The following WAPL variants were observed in gnomAD, a reference collection of about 807,000 sequenced individuals.
WAPL encodes WAPL cohesin release factor.
WAPL carries 5 observed loss-of-function variants against 121.0 expected under a neutral mutation model. The observed-to-expected ratio is 0.04, with a 90% CI of 0.02 to 0.09. The LOEUF (loss-of-function observed/expected upper bound fraction) is 0.09. Among genes scored for constraint, WAPL ranks in the 10% least tolerant of loss-of-function variants. The pLI, the probability that WAPL is intolerant of heterozygous loss-of-function variation, is 1.00. For missense variants in WAPL, 999 were observed against 1,410.8 expected (o/e 0.71, Z 4.68); for synonymous variants, 480 against 481.5 (o/e 1.00, Z 0.04).
intron 4 of WAPL, among the ~76,000 whole-genome samples, chr10:86,491,643 G>C (rs1156847140): frequency 2.0e-5 from 3 of 151,582 alleles, no homozygotes; most frequent in Non-Finnish European, 1.5e-5. Flanking sequence ...GAAGGCAAGG[G>C]AAGTGCTCAA....
chr10:86,495,237 C>A (rs1159348852), intron 4 of WAPL, among the ~76,000 whole-genome samples: 1 of 152,138 alleles, frequency 6.6e-6, no homozygotes, highest in Non-Finnish European at 1.5e-5. Context: ...GAGGCCAAGG[C>A]AGGCAGATAG....
At chr10:86,510,245 T>C (rs1354913877) in intron 2 of WAPL, among the ~76,000 whole-genome samples, 1 of 151,838 alleles carries the variant, frequency 6.6e-6, no homozygotes, top group Non-Finnish European at 1.5e-5. Flanking sequence ...TGGCTAATTT[T>C]TGTATTTTTA....
intron 9 of WAPL, among the ~76,000 whole-genome samples, chr10:86,461,870 GTCTTT>G (rs1841283718): frequency 7.6e-6 from 1 of 131,434 alleles, no homozygotes; most frequent in South Asian, 2.3e-4. Flanking sequence ...AAGACTGATT[GTCTTT>G]TCTTATTATT....
rs1042736743 is a variant in WAPL, at chr10:86,436,659, T to C, written c.*884A>G. ...TGTTTTAGCTTCCTTATATTTATTGTACTGAACATTAGAAAATATATCTAG... is the reference window on the plus strand; with the variant it reads ...TGTTTTAGCTTCCTTATATTTATTGCACTGAACATTAGAAAATATATCTAG... On this transcript the variant is annotated 3_prime_UTR_variant, in exon 19 of 19. Coordinates refer to ENST00000298767, the MANE Select transcript of WAPL (RefSeq NM_015045.5). The C allele has an allele frequency of 2.6e-5, 4 of 152,690 alleles. No homozygotes were observed. The highest frequency in any genetic ancestry group is 4.4e-5 in the Non-Finnish European group (3 of 68,040). The allele number at this position is 152,690 out of a possible 1,614,324, so 9.5% of individuals were successfully genotyped here. A position where few individuals can be genotyped will look rare whatever the true frequency, so the allele number is the denominator to read the frequency against.
rs1190058897 is a variant in WAPL at position 86,472,665 on chromosome 10, GAGTAGGTATTGTCAC to G, written c.1825_1839del (p.Val609_Thr613del). 14 of 1,613,934 alleles carry G rather than the reference GAGTAGGTATTGTCAC, an allele frequency of 8.7e-6. No individual in the cohort carries two copies. The highest frequency in any genetic ancestry group is 1.2e-5 in the Non-Finnish European group (14 of 1,179,920). ...GCAGTAACTATATCTTGGTAGGGCT[GAGTAGGTATTGTCAC>G]AGTTTTTATCACTTTGGATGGTGGT... On this transcript the variant is annotated inframe_deletion, in exon 6 of 19. Coordinates refer to ENST00000298767, the MANE Select transcript of WAPL (RefSeq NM_015045.5). This position sits in a 1 kb window ranked among gnomAD's most constrained non-coding sequence, Gnocchi z 4.2.
At chr10:86,454,626 G>A (rs574499468) in intron 12 of WAPL, among the ~76,000 whole-genome samples, 16 of 152,318 alleles carry the variant, frequency 1.1e-4, no homozygotes, top group African/African-American at 3.1e-4. Context: ...CCCAAAGTGC[G>A]GAGACTGCAG....
Position 86,521,466 on chromosome 10 carries a change from C to T in WAPL, c.-124G>A, listed in dbSNP as rs1342587210. 1.2e-5 allele frequency: 4 copies of T among 323,470 alleles called. No individual in the cohort carries two copies. Among genetic ancestry groups the T allele is most frequent in the Non-Finnish European group, 2.5e-5 (4 of 159,960 alleles). 20.0% of individuals were successfully genotyped at this position (323,470 alleles called of 1,614,324 possible). ...GAACCCTCGCGCGGGAGAGCAGGGCCGGCAGGTGAGAGCCGAGAGAGGCGA... is the reference window on the plus strand; with the variant it reads ...GAACCCTCGCGCGGGAGAGCAGGGCTGGCAGGTGAGAGCCGAGAGAGGCGA... On this transcript the variant is annotated 5_prime_UTR_variant, in exon 1 of 19. Coordinates refer to ENST00000298767, the MANE Select transcript of WAPL (RefSeq NM_015045.5).
rs1841567715 is a variant in WAPL, at chr10:86,472,990, G to A, written c.1741-226C>T. ...GAAGAACCACTCAAGGATTTCTTCTGGTCTTTTTTAAACTTTTTATTTCAC... is the reference window on the plus strand; with the variant it reads ...GAAGAACCACTCAAGGATTTCTTCTAGTCTTTTTTAAACTTTTTATTTCAC... On this transcript the variant is annotated intron_variant, in intron 5 of 18. Coordinates refer to ENST00000298767, the MANE Select transcript of WAPL (RefSeq NM_015045.5). The surrounding 1 kb of genome is among the most constrained non-coding windows in gnomAD (Gnocchi z 4.2). Among the ~76,000 whole-genome samples, 1 of 151,982 alleles carries A rather than the reference G, an allele frequency of 6.6e-6. No homozygotes were observed. Among genetic ancestry groups the A allele is most frequent in the South Asian group, 2.1e-4 (1 of 4,808 alleles).
intron 8 of WAPL, among the ~76,000 whole-genome samples, chr10:86,470,037 CTT>C (rs905682620): frequency 2.8e-5 from 4 of 145,206 alleles, no homozygotes; most frequent in Non-Finnish European, 4.6e-5. Flanking sequence ...AAACTAACTT[CTT>C]TTTTTTTTTT....
chr10:86,512,824 T>C (rs1200353057), intron 2 of WAPL, among the ~76,000 whole-genome samples: 1 of 151,804 alleles, frequency 6.6e-6, no homozygotes, highest in Non-Finnish European at 1.5e-5. Context: ...GATACAACTA[T>C]TGGAGGTGGA....
At chr10:86,518,176 T>C in intron 1 of WAPL, 85 bp from the exon 2 acceptor site, 1 of 1,344,284 alleles carries the variant, frequency 7.4e-7, no homozygotes. Context: ...TAGGGATTCT[T>C]CCCTCATGAC....
intron 17 of WAPL, among the ~76,000 whole-genome samples, chr10:86,439,853 A>G (rs1223022075): frequency 6.6e-6 from 1 of 152,260 alleles, no homozygotes; most frequent in African/African-American, 2.4e-5. Context: ...CACCAGCTGC[A>G]AAGTGAGAAG....
chr10:86,517,292 A>G (rs552481957), intron 2 of WAPL, among the ~76,000 whole-genome samples: 1 of 152,356 alleles, frequency 6.6e-6, no homozygotes, highest in African/African-American at 2.4e-5. Flanking sequence ...TAACACAACA[A>G]AAAGAGATAT....
At chr10:86,508,856 G>A (rs1044844112) in intron 2 of WAPL, among the ~76,000 whole-genome samples, 4 of 144,636 alleles carry the variant, frequency 2.8e-5, no homozygotes, top group African/African-American at 7.7e-5. Context: ...CAGAGTTCAC[G>A]CCATTCTCCT....
Position 86,518,001 on chromosome 10 carries a change from G to A in WAPL, c.69C>T (p.Val23=), listed in dbSNP as rs1842594660. 1.9e-6 allele frequency: 3 copies of A among 1,613,970 alleles called. No individual in the cohort carries two copies. The highest frequency in any genetic ancestry group is 2.5e-6 in the Non-Finnish European group (3 of 1,180,026). The change falls in exon 2 of 19, where the codon GTC becomes GTT. Residue 23 remains valine, a synonymous_variant. Transcript: ENST00000298767. ...TAAGGGTAGTCCGTTTGTTGGAAAA[G>A]ACTTCATCGAATTTTGAACTGCCAT... ...GGNGSSKFDE[V]FSNKRTTLST...
At position 86,500,115 on chromosome 10, in the gene WAPL, A is replaced by T; in HGVS notation, c.1128T>A (p.Thr376=). The T allele has an allele frequency of 1.9e-6, 3 of 1,614,172 alleles. No individual in the cohort carries two copies. Among genetic ancestry groups the T allele is most frequent in the Non-Finnish European group, 2.5e-6 (3 of 1,180,038 alleles). Residue 376 remains threonine, a synonymous_variant, in exon 3 of 19, where the codon ACT becomes ACA. Transcript: ENST00000298767. The part of the protein sequence containing the change: ...LSVCNVTIQD[T]MERSMDEFTA... The stretch of plus-strand genomic sequence containing the variant: ...TGAACTCATCCATGCTGCGTTCCAT[A>T]GTATCCTGTATGGTAACATTACAAA...
At chr10:86,446,812 T>C (rs1340476156) in intron 15 of WAPL, among the ~76,000 whole-genome samples, 1 of 152,228 alleles carries the variant, frequency 6.6e-6, no homozygotes, top group Non-Finnish European at 1.5e-5. Flanking sequence ...TTCCCTATGC[T>C]GGTATAGTAC....
At chr10:86,486,788 CTACAAAAAA>C (rs1841938457) in intron 4 of WAPL, among the ~76,000 whole-genome samples, 1 of 152,040 alleles carries the variant, frequency 6.6e-6, no homozygotes, top group Admixed American at 6.6e-5. Flanking sequence ...AACCCCATCT[CTACAAAAAA>C]TACAAAAAAT....
chr10:86,496,035 AC>A (rs1334631552), intron 4 of WAPL, among the ~76,000 whole-genome samples: 1 of 152,176 alleles, frequency 6.6e-6, no homozygotes, highest in Non-Finnish European at 1.5e-5. Flanking sequence ...AATTCCTTGA[AC>A]CCAGGAGGCG....
Sources: allele counts gnomAD v4.1 joint callset (sites outside exome capture counted in the v4.1 genomes callset), GRCh38; gene constraint gnomAD v4.1.1; non-coding constraint Gnocchi (gnomAD v3.1); transcripts MANE v1.5; gene names NCBI Gene and HGNC (gene_info 2026-07-23, HGNC 2026-07-21).